The following THSD7B variants were observed in gnomAD, a reference collection of about 807,000 sequenced individuals.
THSD7B encodes thrombospondin type-1 domain-containing protein 7B.
In THSD7B, 138 loss-of-function variants were observed where a neutral mutation model predicts 213.6. That is an observed-to-expected ratio of 0.65 (90% CI 0.56 to 0.74). The LOEUF (loss-of-function observed/expected upper bound fraction) is 0.74, where lower values mean the gene tolerates loss of function less well. Among genes scored for constraint, THSD7B ranks in the 30% least tolerant of loss-of-function variants. The pLI is 0.00. For missense variants in THSD7B, 1,931 were observed against 1,991.5 expected (o/e 0.97, Z 0.58); for synonymous variants, 742 against 687.0 (o/e 1.08, Z -1.25).
At chr2:137,474,437 C>G (rs778449480) in intron 15 of THSD7B, among the ~76,000 whole-genome samples, 16 of 152,128 alleles carry the variant, frequency 1.1e-4, no homozygotes, top group African/African-American at 3.9e-4. Context: ...CTATCCCCAG[C>G]GTCCCAATAT....
intron 15 of THSD7B, among the ~76,000 whole-genome samples, chr2:137,494,396 A>AT (rs1217128709): frequency 1.3e-5 from 2 of 152,224 alleles, no homozygotes; most frequent in South Asian, 4.2e-4. Context: ...TTATTGCCAG[A>AT]TTTTTTTCTA....
intron 15 of THSD7B, among the ~76,000 whole-genome samples, chr2:137,539,593 T>C (rs1423363669): frequency 6.6e-6 from 1 of 151,754 alleles, no homozygotes; most frequent in African/African-American, 2.4e-5. Context: ...AAACAGCTTG[T>C]ATAGAGGATG....
intron 27 of THSD7B, among the ~76,000 whole-genome samples, chr2:137,668,918 T>G (rs1683504808): frequency 6.6e-6 from 1 of 152,252 alleles, no homozygotes; most frequent in African/African-American, 2.4e-5. Flanking sequence ...AAGAAAGGGC[T>G]GTTTGCCTTA....
intron 2 of THSD7B, among the ~76,000 whole-genome samples, chr2:136,922,003 T>A (rs1024749116): frequency 2.6e-5 from 4 of 152,210 alleles, no homozygotes; most frequent in Non-Finnish European, 5.9e-5. Context: ...ATCTCAGGTA[T>A]GCTTTTGTAA....
intron 24 of THSD7B, among the ~76,000 whole-genome samples, chr2:137,658,356 A>G (rs149297080): frequency 4.1e-4 from 62 of 152,354 alleles, no homozygotes; most frequent in African/African-American, 1.4e-3. Flanking sequence ...AATTCTCTGC[A>G]CGGAATTCCT....
At chr2:137,153,505 A>T (rs979083694) in intron 5 of THSD7B, among the ~76,000 whole-genome samples, 4 of 152,170 alleles carry the variant, frequency 2.6e-5, no homozygotes, top group African/African-American at 9.7e-5. Flanking sequence ...AAGCTTTATT[A>T]GGTATAATAG....
intron 7 of THSD7B, among the ~76,000 whole-genome samples, chr2:137,186,446 C>T (rs1573874183): frequency 6.6e-6 from 1 of 151,940 alleles, no homozygotes; most frequent in South Asian, 2.1e-4. Flanking sequence ...CCGCAAATGG[C>T]TAGACAGTTA....
chr2:137,473,494 T>C (rs924749122), intron 15 of THSD7B, among the ~76,000 whole-genome samples: 7 of 152,160 alleles, frequency 4.6e-5, no homozygotes, highest in Non-Finnish European at 7.3e-5. Flanking sequence ...TAAGTGAAAA[T>C]GATGTTCCAT....
intron 20 of THSD7B, among the ~76,000 whole-genome samples, chr2:137,636,535 C>T (rs1285608486): frequency 6.6e-6 from 1 of 151,924 alleles, no homozygotes; most frequent in Non-Finnish European, 1.5e-5. Flanking sequence ...TAAAATAAAC[C>T]CACTTTCATT....
intron 7 of THSD7B, among the ~76,000 whole-genome samples, chr2:137,193,151 T>C (rs1013366828): frequency 1.3e-5 from 2 of 152,140 alleles, no homozygotes; most frequent in African/African-American, 4.8e-5. Context: ...CACCGTCCAG[T>C]AACCTGATGA....
intron 2 of THSD7B, among the ~76,000 whole-genome samples, chr2:136,889,199 C>A (rs1683773239): frequency 6.6e-6 from 1 of 152,124 alleles, no homozygotes; most frequent in South Asian, 2.1e-4. Context: ...CTTTAAAAAA[C>A]AGGCTCACAT....
intron 5 of THSD7B, among the ~76,000 whole-genome samples, chr2:137,127,880 T>A (rs544466420): frequency 3.4e-4 from 52 of 152,076 alleles, no homozygotes; most frequent in African/African-American, 1.2e-3. Context: ...ATTATGCCAC[T>A]GCACTCCAGC....
At chr2:137,137,901 G>A (rs1275203950) in intron 5 of THSD7B, among the ~76,000 whole-genome samples, 2 of 96,282 alleles carry the variant, frequency 2.1e-5, no homozygotes, top group East Asian at 6.3e-4. Flanking sequence ...ATGCAATAAT[G>A]AATATTCTTT....
chr2:136,981,792 G>T (rs149861804), intron 2 of THSD7B, among the ~76,000 whole-genome samples: 3 of 152,110 alleles, frequency 2.0e-5, no homozygotes, highest in African/African-American at 7.2e-5. Context: ...CCACACCTAC[G>T]TTTAGCACTT....
chr2:137,112,795 T>TGTG (rs1558925257), intron 4 of THSD7B, among the ~76,000 whole-genome samples: 5 of 101,674 alleles, frequency 4.9e-5, no homozygotes, highest in African/African-American at 1.5e-4. Context: ...GTGTGTGTGT[T>TGTG]TTCCACATCA....
chr2:137,473,805 A>C (rs2105095900), intron 15 of THSD7B, among the ~76,000 whole-genome samples: 1 of 152,292 alleles, frequency 6.6e-6, no homozygotes, highest in South Asian at 2.1e-4. Context: ...TTATGAAAAT[A>C]GTTTTGACCT....
At chr2:137,255,865 G>C (rs1232165289) in intron 10 of THSD7B, among the ~76,000 whole-genome samples, 3 of 151,958 alleles carry the variant, frequency 2.0e-5, no homozygotes, top group African/African-American at 7.2e-5. Flanking sequence ...TTATTTTTAT[G>C]TTTTTAGAGG....
chr2:137,259,276 G>C (rs1472876100), intron 10 of THSD7B, among the ~76,000 whole-genome samples: 1 of 152,154 alleles, frequency 6.6e-6, no homozygotes, highest in Non-Finnish European at 1.5e-5. Context: ...TTTCCACAAT[G>C]GTTGAACTAC....
chr2:136,882,365 G>T, intron 2 of THSD7B, 48 bp downstream of exon 2: 2 of 1,406,378 alleles, frequency 1.4e-6, no homozygotes, highest in South Asian at 3.3e-5. Context: ...TTAACAGGAA[G>T]AATATTCTTT....
Sources: gnomAD v4.1 joint callset for allele counts (sites outside exome capture counted in the v4.1 genomes callset) on GRCh38, gnomAD v4.1.1 for gene constraint, MANE v1.5 for transcripts, NCBI Gene and HGNC (gene_info 2026-07-23, HGNC 2026-07-21) for gene names.